SORCS3: variants seen among roughly 807,000 people sequenced by gnomAD.
The protein encoded by SORCS3 is sortilin related VPS10 domain containing receptor 3.
In SORCS3, 57 loss-of-function variants were observed where a neutral mutation model predicts 146.3. The observed-to-expected ratio is 0.39, with a 90% CI of 0.31 to 0.49. SORCS3 has a LOEUF of 0.49. Ranked by LOEUF, SORCS3 falls within the 20% of genes least tolerant of loss-of-function variation. SORCS3 has a pLI of 0.92. For missense variants in SORCS3, 1,341 were observed against 1,575.5 expected (o/e 0.85, Z 2.52); for synonymous variants, 653 against 618.5 (o/e 1.06, Z -0.83).
At chr10:105,104,839 A>G (rs1348790096) in intron 6 of SORCS3, among the ~76,000 whole-genome samples, 1 of 152,222 alleles carries the variant, frequency 6.6e-6, no homozygotes, top group Non-Finnish European at 1.5e-5. Context: ...ATGTTGAAGC[A>G]TACGTATCCA....
intron 2 of SORCS3, among the ~76,000 whole-genome samples, chr10:104,913,437 C>G (rs187739942): frequency 1.3e-3 from 198 of 152,240 alleles, no homozygotes; most frequent in Admixed American, 1.8e-3. Context: ...AGCTTCTGTG[C>G]CTGCAGTAGA....
At chr10:105,159,062 TG>T in intron 11 of SORCS3, 68 bp downstream of exon 11, 1 of 1,150,824 alleles carries the variant, frequency 8.7e-7, no homozygotes, top group Non-Finnish European at 1.3e-6. Flanking sequence ...CACCTCTTTT[TG>T]GATCATGGAC....
intron 4 of SORCS3, among the ~76,000 whole-genome samples, chr10:105,038,454 C>T (rs944218191): frequency 1.3e-5 from 2 of 151,872 alleles, no homozygotes; most frequent in Admixed American, 1.3e-4. Flanking sequence ...CCAGTTTCCT[C>T]ATGAAAAAAA....
In SORCS3 at chr10:104,698,249, G is replaced by T. The variant is rs148989816; in HGVS notation, c.627+56295G>T. On this transcript the variant is annotated intron_variant, in intron 1 of 26. Coordinates refer to ENST00000369701, the MANE Select transcript of SORCS3 (RefSeq NM_014978.3). ...TGGAATCTGAGAGTCTGAGTTTAGT[G>T]GCTTGTACAGAGTCACATGGGCCCT... Among the ~76,000 whole-genome samples, 904 of 152,230 alleles carry T rather than the reference G, an allele frequency of 5.9e-3. 7 individuals carry two copies. The highest frequency in any genetic ancestry group is 0.02 in the African/African-American group (829 of 41,538).
At chr10:105,007,661 C>G (rs1324215574) in intron 4 of SORCS3, among the ~76,000 whole-genome samples, 1 of 152,058 alleles carries the variant, frequency 6.6e-6, no homozygotes, top group East Asian at 1.9e-4. Flanking sequence ...CCCCCAACCC[C>G]CCAAAAAATC....
intron 4 of SORCS3, among the ~76,000 whole-genome samples, chr10:105,033,487 T>G (rs2055284178): frequency 6.6e-6 from 1 of 152,188 alleles, no homozygotes; most frequent in Non-Finnish European, 1.5e-5. Context: ...GATCCTATGT[T>G]GTTAAGCAGC....
At chr10:105,008,523 T>G (rs12252384) in intron 4 of SORCS3, among the ~76,000 whole-genome samples, 35,190 of 152,118 alleles carry the variant, frequency 0.23, 4,695 homozygotes, top group African/African-American at 0.36. Flanking sequence ...CTCATGAGAA[T>G]TCCACAGTGA....
chr10:104,997,814 A>G (rs542048736), intron 4 of SORCS3, among the ~76,000 whole-genome samples: 1 of 152,270 alleles, frequency 6.6e-6, no homozygotes, highest in South Asian at 2.1e-4. Flanking sequence ...ATGGATTTAA[A>G]TAATTGTACA....
At chr10:104,883,982 G>GGC (rs201737188) in intron 2 of SORCS3, among the ~76,000 whole-genome samples, 2 of 151,730 alleles carry the variant, frequency 1.3e-5, no homozygotes, top group African/African-American at 4.9e-5. Flanking sequence ...GAATGAGGGG[G>GGC]GGGAAAGGGT....
chr10:104,870,229 A>T (rs1183409740), intron 2 of SORCS3, among the ~76,000 whole-genome samples: 2 of 152,158 alleles, frequency 1.3e-5, no homozygotes, highest in South Asian at 2.1e-4. Context: ...TCTTTCTTTC[A>T]TTAGTGGTTT....
chr10:105,125,082 G>A (rs954461035), intron 7 of SORCS3, among the ~76,000 whole-genome samples: 3 of 152,112 alleles, frequency 2.0e-5, no homozygotes, highest in Admixed American at 1.3e-4. Context: ...GTCAGGAAGG[G>A]GTGGAAGAGA....
rs117925018 is a variant in SORCS3 at position 105,138,209 on chromosome 10, C to T, written c.1213-1188C>T. Among the ~76,000 whole-genome samples, 222 of 152,286 alleles carry T rather than the reference C, an allele frequency of 1.5e-3. 1 individual carries two copies. Among genetic ancestry groups the T allele is most frequent in the Non-Finnish European group, 2.1e-3 (145 of 68,016 alleles). On this transcript the variant is annotated intron_variant, in intron 7 of 26. Transcript: ENST00000369701. The stretch of plus-strand genomic sequence containing the variant: ...GCCTTTGCACCAAGTTTTTCCAAGT[C>T]TCTGCCTTCATGCTGACTCTGACAT...
At chr10:104,836,005 G>A (rs1324589964) in intron 1 of SORCS3, among the ~76,000 whole-genome samples, 2 of 152,192 alleles carry the variant, frequency 1.3e-5, no homozygotes, top group Admixed American at 6.5e-5. Context: ...AGGAGTGTGC[G>A]TCAAGGCTGG....
chr10:105,255,551 G>A (rs181023724), intron 23 of SORCS3, 151 bp from the exon 24 acceptor site: 3 of 607,650 alleles, frequency 4.9e-6, no homozygotes, highest in Non-Finnish European at 8.9e-6. Context: ...CAAGGGCTGT[G>A]AGAACCAAAT....
Position 105,125,679 on chromosome 10 carries a change from C to CACACACACACACACACACACACA in SORCS3, c.1213-13718_1213-13717insACACACACACACACACACACACA, listed in dbSNP as rs370356129. ...ACATGCATGTTGCATCACTGAATAT[C>CACACACACACACACACACACACA]CACACACACACACACACACACACAC... On this transcript the variant is annotated intron_variant, in intron 7 of 26. Coordinates refer to ENST00000369701, the MANE Select transcript of SORCS3 (RefSeq NM_014978.3). Among the ~76,000 whole-genome samples, 53 of 144,486 alleles carry CACACACACACACACACACACACA rather than the reference C, an allele frequency of 3.7e-4. 1 individual carries two copies. The highest frequency in any genetic ancestry group is 8.3e-4 in the African/African-American group (32 of 38,486). 94.8% of individuals were successfully genotyped at this position (144,486 alleles called of 152,430 possible).
intron 5 of SORCS3, among the ~76,000 whole-genome samples, chr10:105,058,288 G>A (rs2055459637): frequency 6.6e-6 from 1 of 152,178 alleles, no homozygotes; most frequent in Admixed American, 6.5e-5. Flanking sequence ...AGCACTGGGG[G>A]ATTTAAAATG....
At position 105,153,922 on chromosome 10, in the gene SORCS3, T is replaced by TA. The variant is rs978702576; in HGVS notation, c.1483-3214dup. On this transcript the variant is annotated intron_variant, in intron 9 of 26. Transcript: ENST00000369701. ...CATCTCTACTAAAAATACAAAAAAA[T>TA]AACTGGGCATAGTGACAGTCACCTA... 5.2e-4 allele frequency among the ~76,000 whole-genome samples: 79 copies of TA among 151,568 alleles called. 2 individuals are homozygous for TA. The highest frequency in any genetic ancestry group is 1.9e-3 in the African/African-American group (78 of 41,318).
At chr10:104,691,822 C>T (rs1053556413) in intron 1 of SORCS3, among the ~76,000 whole-genome samples, 1 of 152,136 alleles carries the variant, frequency 6.6e-6, no homozygotes, top group East Asian at 1.9e-4. Flanking sequence ...CTCACCATAA[C>T]TTCAAACTCC....
intron 5 of SORCS3, among the ~76,000 whole-genome samples, chr10:105,051,530 G>A (rs1384943565): frequency 6.6e-6 from 1 of 152,062 alleles, no homozygotes; most frequent in African/African-American, 2.4e-5. Flanking sequence ...CAGCTGCCAA[G>A]TCATTTTTAG....
Sources: gnomAD v4.1 joint callset for allele counts (sites outside exome capture counted in the v4.1 genomes callset) on GRCh38, gnomAD v4.1.1 for gene constraint, MANE v1.5 for transcripts, NCBI Gene and HGNC (gene_info 2026-07-23, HGNC 2026-07-21) for gene names.